LRP1B: variants seen among roughly 807,000 people sequenced by gnomAD.
LRP1B encodes LDL receptor related protein 1B.
In LRP1B, 217 loss-of-function variants were observed where a neutral mutation model predicts 556.6. The observed-to-expected ratio is 0.39, with a 90% CI of 0.35 to 0.44. The LOEUF is 0.44. LRP1B is among the 20% of genes least tolerant of loss of function. The pLI is 1.00. For missense variants in LRP1B, 5,053 were observed against 5,620.8 expected (o/e 0.90, Z 3.23); for synonymous variants, 2,047 against 1,865.8 (o/e 1.10, Z -2.50).
chr2:142,043,942 G>C (rs1457170627), intron 1 of LRP1B, among the ~76,000 whole-genome samples: 1 of 151,594 alleles, frequency 6.6e-6, no homozygotes, highest in Admixed American at 6.6e-5. Flanking sequence ...CCATAGCCTG[G>C]ACAATTTGTG....
rs559379271 is a variant in LRP1B, at chr2:140,398,734, G to T, written c.10415-12725C>A. 1.9e-4 allele frequency among the ~76,000 whole-genome samples: 29 copies of T among 152,148 alleles called. No homozygotes were observed. In the South Asian group the frequency reaches 5.8e-3, roughly 30 times the overall value. On this transcript the variant is annotated intron_variant, in intron 66 of 90. Coordinates refer to ENST00000389484, the MANE Select transcript of LRP1B (RefSeq NM_018557.3). ...TGTAATTATATTTGTCTTTGAACAC[G>T]AAAACTGTATCTCTAATTGAATTCC...
At chr2:141,163,430 T>C (rs1234002975) in intron 7 of LRP1B, among the ~76,000 whole-genome samples, 7 of 152,062 alleles carry the variant, frequency 4.6e-5, no homozygotes, top group Admixed American at 3.9e-4. Context: ...TTTAGACATA[T>C]GATAATTTGG....
chr2:141,372,685 C>A (rs1457913484), intron 3 of LRP1B, among the ~76,000 whole-genome samples: 1 of 152,004 alleles, frequency 6.6e-6, no homozygotes, highest in Non-Finnish European at 1.5e-5. Context: ...TCATAGCAGT[C>A]TCTCATGATA....
intron 2 of LRP1B, among the ~76,000 whole-genome samples, chr2:141,661,427 C>A (rs920121035): frequency 6.6e-6 from 1 of 152,074 alleles, no homozygotes; most frequent in Non-Finnish European, 1.5e-5. Context: ...AAGGTAAGAA[C>A]CATGATAAAA....
At chr2:141,114,017 G>T (rs1700818488) in intron 7 of LRP1B, among the ~76,000 whole-genome samples, 1 of 152,212 alleles carries the variant, frequency 6.6e-6, no homozygotes, top group South Asian at 2.1e-4. Flanking sequence ...CATGAAATAT[G>T]AAAAACAATT....
chr2:141,843,219 C>T (rs1028692042), intron 1 of LRP1B, among the ~76,000 whole-genome samples: 11 of 151,936 alleles, frequency 7.2e-5, no homozygotes, highest in Non-Finnish European at 1.5e-4. Flanking sequence ...TGATAGTAAC[C>T]TTTGTGGCAA....
chr2:142,078,103 T>A (rs1439029663), intron 1 of LRP1B, among the ~76,000 whole-genome samples: 1 of 152,112 alleles, frequency 6.6e-6, no homozygotes, highest in African/African-American at 2.4e-5. Context: ...TTGTTCCCTA[T>A]CGCTTGCTGT....
chr2:140,771,278 T>C (rs539509528), intron 33 of LRP1B, among the ~76,000 whole-genome samples: 9 of 152,274 alleles, frequency 5.9e-5, no homozygotes, highest in African/African-American at 2.2e-4. Flanking sequence ...AATATTTTCA[T>C]AGACCTTTGT....
intron 25 of LRP1B, among the ~76,000 whole-genome samples, chr2:140,879,445 AAATT>A (rs1186815392): frequency 1.3e-5 from 2 of 152,236 alleles, no homozygotes; most frequent in East Asian, 3.9e-4. Flanking sequence ...TATGAGACTA[AAATT>A]TTGTCGATTT....
chr2:140,438,713 C>T (rs944854182), intron 66 of LRP1B, among the ~76,000 whole-genome samples: 1 of 152,092 alleles, frequency 6.6e-6, no homozygotes, highest in Non-Finnish European at 1.5e-5. Context: ...AGATCATTAG[C>T]CAAACAGCAG....
intron 2 of LRP1B, among the ~76,000 whole-genome samples, chr2:141,659,292 G>A (rs1043121232): frequency 6.6e-6 from 1 of 152,060 alleles, no homozygotes; most frequent in Non-Finnish European, 1.5e-5. Flanking sequence ...TGGTCATAAG[G>A]TCTCTGTTGC....
chr2:142,093,122 T>C (rs1310398103), intron 1 of LRP1B, among the ~76,000 whole-genome samples: 2 of 152,110 alleles, frequency 1.3e-5, no homozygotes, highest in Non-Finnish European at 1.5e-5. Context: ...AAAGTGACGA[T>C]TGCTTTGAAG....
chr2:141,678,680 TA>T (rs1225499715), intron 2 of LRP1B, among the ~76,000 whole-genome samples: 1 of 152,038 alleles, frequency 6.6e-6, no homozygotes, highest in Non-Finnish European at 1.5e-5. Context: ...ATATTAAGAA[TA>T]AAACAAACAT....
At chr2:140,591,589 G>A (rs558643262) in intron 43 of LRP1B, among the ~76,000 whole-genome samples, 22 of 152,144 alleles carry the variant, frequency 1.4e-4, no homozygotes, top group Non-Finnish European at 2.4e-4. Flanking sequence ...TGCTTAATAG[G>A]AGTGGGGTAA....
intron 63 of LRP1B, among the ~76,000 whole-genome samples, chr2:140,449,989 G>A (rs1332704659): frequency 6.6e-6 from 1 of 152,160 alleles, no homozygotes; most frequent in Non-Finnish European, 1.5e-5. Flanking sequence ...TGCTGAAAAA[G>A]CAGCAGCTAA....
chr2:140,392,121 G>C (rs1684047660), intron 66 of LRP1B, among the ~76,000 whole-genome samples: 9 of 152,100 alleles, frequency 5.9e-5, no homozygotes, highest in Admixed American at 5.9e-4. Flanking sequence ...AAATCACTAA[G>C]ACAAGGGAAA....
chr2:140,279,115 T>C (rs1355950064), intron 84 of LRP1B, among the ~76,000 whole-genome samples: 1 of 151,916 alleles, frequency 6.6e-6, no homozygotes, highest in Admixed American at 6.6e-5. Context: ...CTTTCTTTCT[T>C]GTCTTAAAGG....
In LRP1B at chr2:142,031,463, T is replaced by A. The variant is rs1480273963; in HGVS notation, c.82+99185A>T. Reference sequence around the variant, plus strand: ...AATGTGTCATCTAGCATTAGGTATATCTCCCAATGCTATCCCTCCCCCCTC... The same window carrying A: ...AATGTGTCATCTAGCATTAGGTATAACTCCCAATGCTATCCCTCCCCCCTC... On this transcript the variant is annotated intron_variant, in intron 1 of 90. Transcript: ENST00000389484. 4.1e-4 allele frequency among the ~76,000 whole-genome samples: 53 copies of A among 128,258 alleles called. 1 individual carries two copies. Among genetic ancestry groups the A allele is most frequent in the Non-Finnish European group, 8.2e-4 (49 of 59,606 alleles). The allele number at this position is 128,258 out of a possible 152,430, so 84.1% of individuals were successfully genotyped here. A position where few individuals can be genotyped will look rare whatever the true frequency, so the allele number is the denominator to read the frequency against.
chr2:140,917,281 G>A (rs971592374), intron 21 of LRP1B, among the ~76,000 whole-genome samples: 9 of 152,120 alleles, frequency 5.9e-5, no homozygotes, highest in African/African-American at 1.9e-4. Context: ...TTGAAAGACA[G>A]TGCAGCCATT....
Sources: gnomAD v4.1 joint callset for allele counts (sites outside exome capture counted in the v4.1 genomes callset) on GRCh38, gnomAD v4.1.1 for gene constraint, MANE v1.5 for transcripts, NCBI Gene and HGNC (gene_info 2026-07-23, HGNC 2026-07-21) for gene names.